SUGCT: variants seen among roughly 807,000 people sequenced by gnomAD.
The protein encoded by SUGCT is succinyl-CoA:glutarate-CoA transferase.
SUGCT carries 41 observed loss-of-function variants against 55.0 expected under a neutral mutation model. The ratio of observed to expected loss-of-function variants is 0.74; its 90% CI spans 0.58 to 0.97. The LOEUF is 0.97. SUGCT is among the 50% of genes least tolerant of loss of function. SUGCT has a pLI of 0.00. For missense variants in SUGCT, 568 were observed against 547.8 expected (o/e 1.04, Z -0.37); for synonymous variants, 187 against 200.4 (o/e 0.93, Z 0.56).
chr7:40,511,792 T>C (rs1207134641), intron 12 of SUGCT, among the ~76,000 whole-genome samples: 1 of 152,224 alleles, frequency 6.6e-6, no homozygotes, highest in Non-Finnish European at 1.5e-5. Flanking sequence ...TTCATTTTTG[T>C]CTCATTTCAC....
chr7:40,286,608 A>G (rs1353214968), intron 8 of SUGCT, among the ~76,000 whole-genome samples: 1 of 152,180 alleles, frequency 6.6e-6, no homozygotes, highest in Non-Finnish European at 1.5e-5. Context: ...TAAACATTGT[A>G]GAACATGTGA....
chr7:40,662,978 G>T (rs896335527), intron 12 of SUGCT, among the ~76,000 whole-genome samples: 2 of 152,058 alleles, frequency 1.3e-5, no homozygotes, highest in African/African-American at 2.4e-5. Flanking sequence ...GTAATTTCAG[G>T]CATTTCAATT....
intron 12 of SUGCT, among the ~76,000 whole-genome samples, chr7:40,519,072 A>G (rs1242607588): frequency 6.6e-6 from 1 of 152,066 alleles, no homozygotes; most frequent in Non-Finnish European, 1.5e-5. Flanking sequence ...ATTTGCAACA[A>G]AGGGCACACC....
chr7:40,713,227 G>A (rs1424106302), intron 12 of SUGCT, among the ~76,000 whole-genome samples: 1 of 152,086 alleles, frequency 6.6e-6, no homozygotes, highest in Admixed American at 6.5e-5. Flanking sequence ...CTTCTCTGGG[G>A]TGGAGACTGC....
intron 12 of SUGCT, among the ~76,000 whole-genome samples, chr7:40,741,320 G>C (rs189707397): frequency 1.4e-4 from 21 of 151,828 alleles, no homozygotes; most frequent in African/African-American, 4.8e-4. Context: ...CAGTAGAAAA[G>C]CTTCTTGAAT....
intron 12 of SUGCT, among the ~76,000 whole-genome samples, chr7:40,575,129 G>GTT (rs770164498): frequency 1.3e-5 from 2 of 150,180 alleles, no homozygotes; most frequent in African/African-American, 4.9e-5. Context: ...CGGGGGTGGG[G>GTT]GTGGAGATGG....
intron 9 of SUGCT, among the ~76,000 whole-genome samples, chr7:40,346,317 AT>A (rs560676994): frequency 1.2e-3 from 187 of 152,170 alleles, no homozygotes; most frequent in Admixed American, 1.6e-3. Context: ...TAATCTATGT[AT>A]TTAAATTTTT....
the SUGCT span, among the ~76,000 whole-genome samples, chr7:40,907,140 T>TGA: frequency 1.2e-3 from 35 of 29,196 alleles, no homozygotes; most frequent in East Asian, 3.9e-3. Flanking sequence ...TGTGTGTGTG[T>TGA]GAGAGAGAGA....
At chr7:40,501,187 C>T (rs1792264239) in intron 12 of SUGCT, among the ~76,000 whole-genome samples, 1 of 152,134 alleles carries the variant, frequency 6.6e-6, no homozygotes, top group Non-Finnish European at 1.5e-5. Context: ...TCTGAATATA[C>T]ATGACACATT....
intron 12 of SUGCT, among the ~76,000 whole-genome samples, chr7:40,548,586 C>T (rs550114139): frequency 1.2e-4 from 18 of 152,208 alleles, no homozygotes; most frequent in South Asian, 6.2e-4. Context: ...ATATATACCA[C>T]GTGCCCACAT....
chr7:40,230,854 TC>T (rs982098432), intron 6 of SUGCT, among the ~76,000 whole-genome samples: 1 of 152,202 alleles, frequency 6.6e-6, no homozygotes, highest in Admixed American at 6.5e-5. Context: ...CTCTGTTACT[TC>T]CTATTTGTGT....
At chr7:40,840,600 C>T (rs574341877) in intron 13 of SUGCT, among the ~76,000 whole-genome samples, 20 of 152,010 alleles carry the variant, frequency 1.3e-4, no homozygotes, top group African/African-American at 4.1e-4. Context: ...TTTACATCAG[C>T]GGAGACAAAA....
the SUGCT span, among the ~76,000 whole-genome samples, chr7:40,933,140 A>G: frequency 6.6e-6 from 1 of 152,040 alleles, no homozygotes; most frequent in African/African-American, 2.4e-5. Flanking sequence ...GGTGGCAACA[A>G]TCTCTCAGCG....
In SUGCT at chr7:40,227,968, C is replaced by T. The variant is rs527512182; in HGVS notation, c.485-9667C>T. ...CACCATCTCGGCTCACTGCAATCTC[C>T]GCCTCCTGGGTTCAAGCGATTCTCC... On this transcript the variant is annotated intron_variant, in intron 6 of 13. Transcript: ENST00000335693. Among the ~76,000 whole-genome samples the T allele has an allele frequency of 3.9e-4, 59 of 151,958 alleles. 2 individuals carry two copies. The South Asian group carries it at 9.6e-3, about 25-fold the overall frequency.
intron 12 of SUGCT, among the ~76,000 whole-genome samples, chr7:40,579,509 G>A (rs1399570729): frequency 3.9e-5 from 6 of 152,142 alleles, no homozygotes; most frequent in Admixed American, 3.9e-4. Flanking sequence ...TGGGTTGCAG[G>A]AAATACTCTG....
chr7:40,355,318 G>T (rs1797836474), intron 9 of SUGCT, among the ~76,000 whole-genome samples: 1 of 152,154 alleles, frequency 6.6e-6, no homozygotes. Flanking sequence ...TGACTTAGGA[G>T]GTTCATCATA....
intron 9 of SUGCT, among the ~76,000 whole-genome samples, chr7:40,380,478 C>A (rs1295969550): frequency 1.3e-5 from 2 of 152,120 alleles, no homozygotes; most frequent in African/African-American, 4.8e-5. Flanking sequence ...CGGCATATGG[C>A]TTTTGAACTC....
intron 13 of SUGCT, among the ~76,000 whole-genome samples, chr7:40,829,082 T>A (rs993845173): frequency 5.3e-5 from 8 of 152,214 alleles, no homozygotes; most frequent in African/African-American, 1.9e-4. Flanking sequence ...CTAATAAGCA[T>A]AAAGACAGTC....
chr7:40,864,095 C>G (rs1387428895), downstream of SUGCT, among the ~76,000 whole-genome samples: 1 of 152,158 alleles, frequency 6.6e-6, no homozygotes, highest in African/African-American at 2.4e-5. Flanking sequence ...TTACTGCTTT[C>G]ATGAGATGCT....
Sources: gnomAD v4.1 joint callset for allele counts (sites outside exome capture counted in the v4.1 genomes callset) on GRCh38, gnomAD v4.1.1 for gene constraint, MANE v1.5 for transcripts, NCBI Gene and HGNC (gene_info 2026-07-23, HGNC 2026-07-21) for gene names.